Variants in SNX29 observed in about 807,000 individuals in gnomAD.
The protein encoded by SNX29 is sorting nexin 29.
SNX29 carries 78 observed loss-of-function variants against 102.1 expected under a neutral mutation model. The ratio of observed to expected loss-of-function variants is 0.76; its 90% CI spans 0.64 to 0.92. The LOEUF is 0.92. SNX29 is among the 40% of genes least tolerant of loss of function. The probability of loss-of-function intolerance (pLI) is 0.00; values close to 1 mark genes in which losing one functional copy is unlikely to be tolerated. For synonymous variants in SNX29, 580 were observed against 414.5 expected, an observed-to-expected ratio of 1.40 and a Z score of -4.85; for missense variants, 1,280 against 1,061.7, an observed-to-expected ratio of 1.21 and a Z score of -2.86.
chr16:12,192,352 G>A (rs183568122), intron 13 of SNX29, among the ~76,000 whole-genome samples: 44 of 152,288 alleles, frequency 2.9e-4, no homozygotes, highest in African/African-American at 1.0e-3. Context: ...GTCTCCATGT[G>A]CACGGCTACC....
chr16:12,014,629 G>A lies in SNX29; in HGVS notation c.122+11586G>A, dbSNP rs146536113. Among the ~76,000 whole-genome samples the A allele has an allele frequency of 6.9e-4, 104 of 151,482 alleles. 1 individual carries two copies. The East Asian group carries it at 0.019, about 27-fold the overall frequency. On this transcript the variant is annotated intron_variant, in intron 3 of 20. Transcript: ENST00000566228. ...TGCCTGTAATCCTAGCTTCTCAGGA[G>A]GCTGAGGCAGAAGAATTGCTTGAAC... is the stretch of plus-strand genomic sequence containing the variant.
At chr16:12,551,646 T>C (rs527617630) in intron 20 of SNX29, among the ~76,000 whole-genome samples, 1 of 152,336 alleles carries the variant, frequency 6.6e-6, no homozygotes, top group African/African-American at 2.4e-5. Flanking sequence ...AAGTATTTTC[T>C]GAGCTTTGGT....
intron 3 of SNX29, among the ~76,000 whole-genome samples, chr16:12,023,114 C>T (rs1314628845): frequency 6.6e-6 from 1 of 151,972 alleles, no homozygotes; most frequent in Non-Finnish European, 1.5e-5. Context: ...CCAGGCTGGT[C>T]TCGAACTCCT....
At chr16:12,439,732 C>T (rs2085713646) in intron 18 of SNX29, among the ~76,000 whole-genome samples, 1 of 152,206 alleles carries the variant, frequency 6.6e-6, no homozygotes, top group Non-Finnish European at 1.5e-5. Flanking sequence ...CTAAACCATA[C>T]CAGTCACATA....
At chr16:12,453,027 C>A (rs1266736015) in intron 18 of SNX29, among the ~76,000 whole-genome samples, 1 of 152,154 alleles carries the variant, frequency 6.6e-6, no homozygotes, top group Non-Finnish European at 1.5e-5. Flanking sequence ...AAAAAGGATC[C>A]CCAGCAGTAA....
At chr16:12,378,138 A>T (rs2082944381) in intron 16 of SNX29, among the ~76,000 whole-genome samples, 1 of 152,200 alleles carries the variant, frequency 6.6e-6, no homozygotes, top group African/African-American at 2.4e-5. Flanking sequence ...GCTGCAAAGG[A>T]ATGCCTGACA....
chr16:12,412,568 C>T (rs755597119), intron 18 of SNX29, among the ~76,000 whole-genome samples: 22 of 152,196 alleles, frequency 1.4e-4, no homozygotes, highest in African/African-American at 5.3e-4. Flanking sequence ...TGTGACAAGT[C>T]TGTTAAGGTG....
intron 11 of SNX29, chr16:12,081,184 C>T (rs962973112): frequency 6.6e-6 from 1 of 152,162 alleles, no homozygotes; most frequent in African/African-American, 2.4e-5. Context: ...TTGATACCCA[C>T]TCTTGTTGTT....
chr16:12,091,051 A>G (rs1596847621), intron 11 of SNX29, among the ~76,000 whole-genome samples: 1 of 151,092 alleles, frequency 6.6e-6, no homozygotes, highest in African/African-American at 2.4e-5. Context: ...AAGAAAAAGA[A>G]AAAAGAGCGC....
At chr16:12,512,719 T>C (rs1011594324) in intron 19 of SNX29, among the ~76,000 whole-genome samples, 4 of 152,004 alleles carry the variant, frequency 2.6e-5, no homozygotes, top group Non-Finnish European at 4.4e-5. Context: ...CGTCCGTGCT[T>C]TCAGGGACAA....
At chr16:12,475,541 C>T (rs971216937) in intron 18 of SNX29, among the ~76,000 whole-genome samples, 1 of 152,138 alleles carries the variant, frequency 6.6e-6, no homozygotes, top group Non-Finnish European at 1.5e-5. Flanking sequence ...TTGAAAATAT[C>T]GTAAGTTGAA....
intron 11 of SNX29, among the ~76,000 whole-genome samples, chr16:12,125,241 C>T (rs2054154483): frequency 6.6e-6 from 1 of 152,162 alleles, no homozygotes; most frequent in South Asian, 2.1e-4. Context: ...TTTTGGGGGG[C>T]ATGCCAGCTC....
At chr16:12,565,896 T>TG (rs1332022672) in intron 20 of SNX29, among the ~76,000 whole-genome samples, 7 of 152,012 alleles carry the variant, frequency 4.6e-5, no homozygotes, top group Admixed American at 3.9e-4. Context: ...TCCCTCTCAT[T>TG]GGGGCATCCA....
chr16:12,118,499 T>C (rs1222006391), intron 11 of SNX29, among the ~76,000 whole-genome samples: 1 of 151,720 alleles, frequency 6.6e-6, no homozygotes, highest in Admixed American at 6.6e-5. Flanking sequence ...TTTGTGTTTT[T>C]AGTAGAGATG....
chr16:12,002,489 ACC>A (rs1355167429), intron 2 of SNX29, among the ~76,000 whole-genome samples: 1 of 149,546 alleles, frequency 6.7e-6, no homozygotes, highest in Non-Finnish European at 1.5e-5. Context: ...TATTTTTCCC[ACC>A]CTCAGTAAAT....
In SNX29 at chr16:12,415,633, T is replaced by C. The variant is rs79456850; in HGVS notation, c.2037+12104T>C. Among the ~76,000 whole-genome samples the C allele has an allele frequency of 4.0e-3, 614 of 152,254 alleles. 2 individuals carry two copies. The highest frequency in any genetic ancestry group is 0.014 in the African/African-American group (572 of 41,554). On this transcript the variant is annotated intron_variant, in intron 18 of 20. Transcript: ENST00000566228. ...TCAGACCTTCCATCCCACCTGATGA[T>C]TGGGGCTGGTCTAGGATGTTACCTC...
intron 16 of SNX29, among the ~76,000 whole-genome samples, chr16:12,362,424 C>T (rs745423573): frequency 1.3e-5 from 2 of 152,130 alleles, no homozygotes; most frequent in Non-Finnish European, 2.9e-5. Context: ...CAGGAATATC[C>T]CTTTTGAGGC....
chr16:12,360,804 C>T (rs1326334519), intron 16 of SNX29, among the ~76,000 whole-genome samples: 1 of 152,116 alleles, frequency 6.6e-6, no homozygotes, highest in African/African-American at 2.4e-5. Context: ...TAGGAAGGAC[C>T]TGTTGTATAC....
intron 2 of SNX29, 106 bp downstream of exon 2, chr16:11,999,464 A>G: frequency 1.9e-6 from 2 of 1,069,834 alleles, no homozygotes; most frequent in Non-Finnish European, 2.8e-6. Context: ...CCCACTTTAT[A>G]CCTGGGAACA....
Sources: allele counts gnomAD v4.1 joint callset (sites outside exome capture counted in the v4.1 genomes callset), GRCh38; gene constraint gnomAD v4.1.1; transcripts MANE v1.5; gene names NCBI Gene and HGNC (gene_info 2026-07-23, HGNC 2026-07-21).